Variants in MID1 observed in about 807,000 individuals in gnomAD.
The protein encoded by MID1 is midline 1.
In MID1, 7 loss-of-function variants were observed where a neutral mutation model predicts 40.4. The observed-to-expected ratio is 0.17, with a 90% CI of 0.10 to 0.33. MID1 has a LOEUF of 0.33. Among genes scored for constraint, MID1 ranks in the 10% least tolerant of loss-of-function variants. MID1 has a pLI of 1.00. For missense variants in MID1, 367 were observed against 558.5 expected, an observed-to-expected ratio of 0.66 and a Z score of 3.46; for synonymous variants, 229 against 221.2, an observed-to-expected ratio of 1.04 and a Z score of -0.31.
intron 1 of MID1, among the ~76,000 whole-genome samples, chrX:10,784,351 T>C (rs1271404234): frequency 4.5e-5 from 5 of 111,470 alleles, no homozygotes; most frequent in Non-Finnish European, 9.4e-5. Flanking sequence ...AAAACCTGAA[T>C]GTCAAATACA....
chrX:10,747,561 G>C (rs976372110), intron 1 of MID1, among the ~76,000 whole-genome samples: 1 of 112,276 alleles, frequency 8.9e-6, no homozygotes. Flanking sequence ...TTGACTATTT[G>C]AGACAGTCAT....
intron 1 of MID1, among the ~76,000 whole-genome samples, chrX:10,573,559 T>C (rs1011746880): frequency 2.7e-5 from 3 of 112,074 alleles, no homozygotes; most frequent in Non-Finnish European, 5.6e-5. Flanking sequence ...TGCCACCACA[T>C]TGGGGATTAC....
chrX:10,818,012 C>T (rs984594526), intron 1 of MID1, among the ~76,000 whole-genome samples: 2 of 112,010 alleles, frequency 1.8e-5, no homozygotes, highest in African/African-American at 6.5e-5. Flanking sequence ...TTCTATATTG[C>T]TGCCATTTTT....
chrX:10,788,372 C>T lies in MID1; in HGVS notation c.-187+45182G>A, dbSNP rs185461391. 8.3e-4 allele frequency among the ~76,000 whole-genome samples: 92 copies of T among 111,465 alleles called. No individual in the cohort carries two copies. The Middle Eastern group carries it at 0.014, about 17-fold the overall frequency. On this transcript the variant is annotated intron_variant, in intron 1 of 10. Coordinates refer to the MID1 transcript ENST00000380785. ...TAATCCCATGTTCATGGTTGTGTCA[C>T]CTTTAAGATCTATTCATTGTTCATT...
intron 1 of MID1, among the ~76,000 whole-genome samples, chrX:10,799,529 T>C (rs752277207): frequency 2.9e-4 from 33 of 112,240 alleles, no homozygotes; most frequent in Admixed American, 3.8e-4. Flanking sequence ...TATGAAAATA[T>C]CATGATTGGA....
intron 1 of MID1, among the ~76,000 whole-genome samples, chrX:10,654,894 G>C (rs949748805): frequency 8.9e-6 from 1 of 112,583 alleles, no homozygotes; most frequent in Non-Finnish European, 1.9e-5. Context: ...TATTGATTGA[G>C]TGCCTGCTGT....
intron 8 of MID1, among the ~76,000 whole-genome samples, chrX:10,456,705 C>T (rs949174104): frequency 3.6e-5 from 4 of 111,132 alleles, no homozygotes; most frequent in Non-Finnish European, 7.5e-5. Context: ...GGTGTGGTGG[C>T]GGACACCTGT....
intron 1 of MID1, among the ~76,000 whole-genome samples, chrX:10,728,195 C>G (rs1048928157): frequency 9.0e-6 from 1 of 110,768 alleles, no homozygotes; most frequent in Non-Finnish European, 1.9e-5. Flanking sequence ...ACTTTTCCCC[C>G]CCCAGGAAAA....
intron 2 of MID1, among the ~76,000 whole-genome samples, chrX:10,541,463 G>A (rs1187745520): frequency 1.8e-5 from 2 of 110,397 alleles, no homozygotes; most frequent in African/African-American, 6.6e-5. Flanking sequence ...CAGGCTTTGT[G>A]CACACCATCT....
At chrX:10,609,073 T>G (rs1310792230) in intron 1 of MID1, among the ~76,000 whole-genome samples, 1 of 111,770 alleles carries the variant, frequency 8.9e-6, no homozygotes, top group African/African-American at 3.3e-5. Flanking sequence ...TTAGGATAAT[T>G]TGTCCGAAAA....
chrX:10,575,017 C>T (rs1465973187), intron 1 of MID1, among the ~76,000 whole-genome samples: 1 of 112,451 alleles, frequency 8.9e-6, no homozygotes, highest in Non-Finnish European at 1.9e-5. Context: ...TTACAGCAAG[C>T]CACACGAAAA....
At chrX:10,827,471 CAGAGAGAG>C (rs58413595) in intron 1 of MID1, among the ~76,000 whole-genome samples, 1 of 85,129 alleles carries the variant, frequency 1.2e-5, no homozygotes, top group East Asian at 3.7e-4. Flanking sequence ...GCCCACCAGC[CAGAGAGAG>C]AGAGAGAGAG....
intron 3 of MID1, chrX:10,506,068 C>A: frequency 1.3e-6 from 1 of 786,678 alleles, no homozygotes; most frequent in Non-Finnish European, 1.5e-6. Flanking sequence ...CATGACGCAC[C>A]CACAAGTGAT....
Position 10,726,080 on chromosome X carries a change from G to T in MID1, c.-186-105661C>A, listed in dbSNP as rs150192523. On this transcript the variant is annotated intron_variant, in intron 1 of 10. Transcript: ENST00000380785. Reference sequence around the variant, plus strand: ...TATGTATTTTAAGCGTCTGATGGTAGGTAAGGCTGTGTAAATAAGACATAT... The same window carrying T: ...TATGTATTTTAAGCGTCTGATGGTATGTAAGGCTGTGTAAATAAGACATAT... 4.1e-3 allele frequency among the ~76,000 whole-genome samples: 455 copies of T among 111,683 alleles called. 5 individuals carry two copies. The highest frequency in any genetic ancestry group is 0.014 in the African/African-American group (438 of 30,768).
intron 1 of MID1, among the ~76,000 whole-genome samples, chrX:10,833,247 T>C (rs779691350): frequency 8.9e-6 from 1 of 112,267 alleles, no homozygotes; most frequent in South Asian, 3.7e-4. Context: ...ACCCCAAGGC[T>C]AATTTCCACT....
chrX:10,523,672 A>G (rs1346732149), intron 2 of MID1, among the ~76,000 whole-genome samples: 3 of 112,145 alleles, frequency 2.7e-5, no homozygotes, highest in African/African-American at 9.7e-5. Context: ...ATTTATAGAC[A>G]TTTATGATAA....
chrX:10,588,898 C>T (rs927473795), intron 1 of MID1, among the ~76,000 whole-genome samples: 1 of 111,590 alleles, frequency 9.0e-6, no homozygotes, highest in African/African-American at 3.3e-5. Flanking sequence ...CTAATGCTGG[C>T]CAGTCTATTT....
intron 1 of MID1, among the ~76,000 whole-genome samples, chrX:10,733,025 G>A (rs945560351): frequency 3.6e-5 from 4 of 110,113 alleles, no homozygotes; most frequent in East Asian, 2.8e-4. Flanking sequence ...CACTGCGCCC[G>A]GCTATTTTTT....
intron 1 of MID1, among the ~76,000 whole-genome samples, chrX:10,674,735 C>T (rs1377090948): frequency 8.9e-6 from 1 of 111,999 alleles, no homozygotes; most frequent in Non-Finnish European, 1.9e-5. Flanking sequence ...TTATCTCACA[C>T]TCAGGACTCC....
Sources: allele counts gnomAD v4.1 joint callset (sites outside exome capture counted in the v4.1 genomes callset), GRCh38; gene constraint gnomAD v4.1.1; transcripts MANE v1.5; gene names NCBI Gene and HGNC (gene_info 2026-07-23, HGNC 2026-07-21).